The following POTEG variants were observed in gnomAD, a reference collection of about 807,000 sequenced individuals.
POTEG encodes the protein ANKRD26-like family C member 2.
POTEG carries 2 observed loss-of-function variants against 49.6 expected under a neutral mutation model. The observed-to-expected ratio is 0.04, with a 90% CI of 0.02 to 0.13. The LOEUF (loss-of-function observed/expected upper bound fraction) is 0.13. POTEG is among the 10% of genes least tolerant of loss of function. POTEG has a pLI of 1.00. For synonymous variants in POTEG, 7 were observed against 186.6 expected (o/e 0.04, Z 7.84); for missense variants, 26 against 545.2 (o/e 0.05, Z 9.48).
In POTEG at chr14:19,434,054, T is replaced by C; in HGVS notation, c.236A>G (p.Asn79Ser). The C allele has an allele frequency of 7.9e-7, 1 of 1,260,702 alleles. No homozygotes were observed. The allele number at this position is 1,260,702 out of a possible 1,614,324, so 78.1% of individuals were successfully genotyped here. Residue 79 changes from asparagine to serine, a missense_variant, in exon 1 of 11, where the codon AAC (asparagine) becomes AGC (serine). Asn to Ser is a conservative substitution (Grantham distance 46, BLOSUM62 1). Transcript: ENST00000547848. Reference protein sequence around the residue: ...FPWCRGSSKSNVGTSGDHDDS... With the variant: ...FPWCRGSSKSSVGTSGDHDDS... ...GTCGTGGTCTCCAGAAGTGCCCACG[T>C]TGCTCTTGCTGCTCCCCCTGCACCA...
chr14:19,429,288 TCCTCA>T, intron 1 of POTEG, among the ~76,000 whole-genome samples: 1 of 37,694 alleles, frequency 2.7e-5, no homozygotes, highest in Non-Finnish European at 5.5e-5. Context: ...GGTCTCAGTT[TCCTCA>T]TCAATAAAAT....
At chr14:19,407,136 T>TA (rs1883323531) in intron 9 of POTEG, among the ~76,000 whole-genome samples, 1 of 141,480 alleles carries the variant, frequency 7.1e-6, no homozygotes, top group Middle Eastern at 3.3e-3. Context: ...CCCGCACACA[T>TA]ATGTTTACTG....
At chr14:19,431,231 T>A (rs1884126389) in intron 1 of POTEG, among the ~76,000 whole-genome samples, 1 of 152,300 alleles carries the variant, frequency 6.6e-6, no homozygotes, top group African/African-American at 2.4e-5. Flanking sequence ...ACAAACTGAT[T>A]TTTTTCTCAC....
chr14:19,415,510 G>T (rs1883519144), intron 7 of POTEG, among the ~76,000 whole-genome samples: 1 of 147,880 alleles, frequency 6.8e-6, no homozygotes, highest in Non-Finnish European at 1.5e-5. Flanking sequence ...CCAGCTCAGG[G>T]ACCATCAGTG....
At chr14:19,407,081 TG>T (rs1213277518) in intron 9 of POTEG, among the ~76,000 whole-genome samples, 7 of 140,018 alleles carry the variant, frequency 5.0e-5, no homozygotes, top group Admixed American at 1.4e-4. Flanking sequence ...TTCTCATTTC[TG>T]GATAGCTACA....
intron 4 of POTEG, chr14:19,424,688 C>A (rs139833488): frequency 6.0e-5 from 4 of 66,122 alleles, no homozygotes; most frequent in Non-Finnish European, 1.0e-4. Context: ...GACCTCTCTG[C>A]GTGCTGAAAG....
At chr14:19,429,070 T>C in intron 1 of POTEG, 81 bp from the exon 2 acceptor site, 2 of 430,478 alleles carry the variant, frequency 4.6e-6, no homozygotes, top group Non-Finnish European at 6.8e-6. Context: ...TCACAAACAC[T>C]GAATAGCCTG....
intron 8 of POTEG, among the ~76,000 whole-genome samples, 189 bp downstream of exon 8, chr14:19,414,373 A>G (rs1217593619): frequency 2.7e-5 from 4 of 146,362 alleles, no homozygotes; most frequent in African/African-American, 9.9e-5. Flanking sequence ...TAATAATGAA[A>G]GAATATCTCT....
At chr14:19,431,475 T>A (rs61971032) in intron 1 of POTEG, among the ~76,000 whole-genome samples, 10,332 of 109,942 alleles carry the variant, frequency 0.094, no homozygotes, top group Non-Finnish European at 0.18. Context: ...ATTTTTAAAA[T>A]GTGGTTCTTA....
intron 1 of POTEG, 25 bp from the exon 2 acceptor site, chr14:19,429,014 G>A (rs1428406876): frequency 5.0e-6 from 4 of 805,432 alleles, no homozygotes; most frequent in East Asian, 8.5e-5. Context: ...AGACTTTTTA[G>A]GAAATTGTAG....
At chr14:19,415,914 G>A (rs1242003976) in intron 7 of POTEG, among the ~76,000 whole-genome samples, 372 of 130,688 alleles carry the variant, frequency 2.8e-3, no homozygotes, top group African/African-American at 1.0e-2. Context: ...GGCAGATCTC[G>A]GCTCACTGCA....
intron 7 of POTEG, among the ~76,000 whole-genome samples, chr14:19,415,840 T>TC (rs1883539294): frequency 7.6e-6 from 1 of 131,712 alleles, no homozygotes; most frequent in African/African-American, 2.7e-5. Flanking sequence ...TTTTTTTTTT[T>TC]TTTTTTTTTT....
At chr14:19,414,345 C>T (rs1453106760) in intron 8 of POTEG, among the ~76,000 whole-genome samples, 1 of 145,870 alleles carries the variant, frequency 6.9e-6, no homozygotes, top group Non-Finnish European at 1.5e-5. Context: ...TTTTATGGCA[C>T]CATTCGGGAC....
At chr14:19,415,360 T>C (rs1275274215) in intron 7 of POTEG, among the ~76,000 whole-genome samples, 15 of 143,878 alleles carry the variant, frequency 1.0e-4, no homozygotes, top group African/African-American at 2.8e-4. Context: ...AATAGGCAGT[T>C]GGGTTGCTTT....
At chr14:19,416,021 T>C (rs1883551095) in intron 7 of POTEG, among the ~76,000 whole-genome samples, 3 of 147,354 alleles carry the variant, frequency 2.0e-5, no homozygotes, top group Admixed American at 6.7e-5. Context: ...AGATTTTGTA[T>C]TTTTAGTAGA....
chr14:19,408,615 ACTT>A (rs1479399175), intron 9 of POTEG, among the ~76,000 whole-genome samples: 5 of 151,070 alleles, frequency 3.3e-5, no homozygotes, highest in African/African-American at 1.2e-4. Flanking sequence ...TCCACCCAGC[ACTT>A]TGTGAGGATA....
At chr14:19,433,538 T>A (rs1188573306) in intron 1 of POTEG, among the ~76,000 whole-genome samples, 1 of 111,600 alleles carries the variant, frequency 9.0e-6, no homozygotes, top group Non-Finnish European at 1.8e-5. Flanking sequence ...CAAAACAGTC[T>A]ATTAGTGTTC....
chr14:19,432,881 CTA>C (rs1280517027), intron 1 of POTEG, among the ~76,000 whole-genome samples: 1 of 70,372 alleles, frequency 1.4e-5, no homozygotes, highest in East Asian at 3.6e-4. Context: ...TCTAAAACTG[CTA>C]TTTTTATTTG....
At chr14:19,431,182 A>G (rs1444167740) in intron 1 of POTEG, among the ~76,000 whole-genome samples, 10 of 152,324 alleles carry the variant, frequency 6.6e-5, no homozygotes, top group African/African-American at 2.4e-4. Context: ...ACATATTTTC[A>G]GCTAACACAA....
Sources: gnomAD v4.1 joint callset for allele counts (sites outside exome capture counted in the v4.1 genomes callset) on GRCh38, gnomAD v4.1.1 for gene constraint, MANE v1.5 for transcripts, NCBI Gene and HGNC (gene_info 2026-07-23, HGNC 2026-07-21) for gene names.